The following BAZ2B variants were observed in gnomAD, a reference collection of about 807,000 sequenced individuals.
BAZ2B encodes bromodomain adjacent to zinc finger domain 2B.
BAZ2B carries 91 observed loss-of-function variants against 246.0 expected under a neutral mutation model. The ratio of observed to expected loss-of-function variants is 0.37; its 90% CI spans 0.31 to 0.44. The LOEUF (loss-of-function observed/expected upper bound fraction) is 0.44, where lower values mean the gene tolerates loss of function less well. Ranked by LOEUF, BAZ2B falls within the 20% of genes least tolerant of loss-of-function variation. The pLI, the probability that BAZ2B is intolerant of heterozygous loss-of-function variation, is 1.00. For synonymous variants in BAZ2B, 855 were observed against 860.0 expected (o/e 0.99, Z 0.10); for missense variants, 2,332 against 2,533.7 (o/e 0.92, Z 1.71).
At chr2:159,528,453 C>A (rs576854783) in intron 2 of BAZ2B, among the ~76,000 whole-genome samples, 15 of 152,208 alleles carry the variant, frequency 9.9e-5, no homozygotes, top group African/African-American at 3.4e-4. Context: ...GAGGCCAAGG[C>A]GGTTGGATCA....
At chr2:159,462,588 G>T (rs2076542173) in intron 3 of BAZ2B, 1 of 872,596 alleles carries the variant, frequency 1.1e-6, no homozygotes, top group Non-Finnish European at 2.0e-6. Context: ...TTGGCAGTTT[G>T]TGCGTCATTC....
the BAZ2B span, among the ~76,000 whole-genome samples, chr2:159,683,633 G>A: frequency 5.6e-3 from 856 of 152,224 alleles, 8 homozygotes; most frequent in African/African-American, 0.02. Context: ...AATTGTATGA[G>A]GCTAAAATCA....
chr2:159,421,849 T>C (rs555895873), intron 13 of BAZ2B, among the ~76,000 whole-genome samples: 1 of 152,232 alleles, frequency 6.6e-6, no homozygotes, highest in Admixed American at 6.5e-5. Flanking sequence ...CCCTAAAGAC[T>C]TTCACAAAAG....
chr2:159,605,834 A>C (rs1693358477), intron 1 of BAZ2B, among the ~76,000 whole-genome samples: 1 of 152,240 alleles, frequency 6.6e-6, no homozygotes, highest in Non-Finnish European at 1.5e-5. Flanking sequence ...CACACAGTAC[A>C]AAAACATTTT....
At chr2:159,411,074 C>G (rs184662997) in intron 14 of BAZ2B, among the ~76,000 whole-genome samples, 1 of 152,108 alleles carries the variant, frequency 6.6e-6, no homozygotes, top group Admixed American at 6.5e-5. Flanking sequence ...CAGGCTGAAG[C>G]GCAGTGGCAT....
chr2:159,424,979 G>A (rs905119901), intron 13 of BAZ2B, among the ~76,000 whole-genome samples: 14 of 152,066 alleles, frequency 9.2e-5, no homozygotes, highest in Non-Finnish European at 1.9e-4. Flanking sequence ...GATATGGAGG[G>A]CTGACTGTAC....
chr2:159,685,347 T>C, the BAZ2B span, among the ~76,000 whole-genome samples: 1 of 152,176 alleles, frequency 6.6e-6, no homozygotes, highest in Non-Finnish European at 1.5e-5. Flanking sequence ...TTAACTAAGG[T>C]AGAACACTTA....
intron 1 of BAZ2B, among the ~76,000 whole-genome samples, chr2:159,572,901 A>G (rs1459216709): frequency 6.6e-6 from 1 of 152,180 alleles, no homozygotes; most frequent in Non-Finnish European, 1.5e-5. Context: ...CCTAAGCAAC[A>G]TGAGAATGAG....
intron 1 of BAZ2B, among the ~76,000 whole-genome samples, chr2:159,565,614 A>G (rs2090317100): frequency 6.6e-6 from 1 of 152,030 alleles, no homozygotes; most frequent in Non-Finnish European, 1.5e-5. Flanking sequence ...CTGTCTTTAC[A>G]AAAAATACAA....
At chr2:159,702,897 G>A in the BAZ2B span, among the ~76,000 whole-genome samples, 6 of 151,766 alleles carry the variant, frequency 4.0e-5, no homozygotes, top group African/African-American at 1.4e-4. Flanking sequence ...AAAATTAGCT[G>A]GGCGTGGTGG....
At chr2:159,502,574 C>A (rs1044309829) in intron 2 of BAZ2B, among the ~76,000 whole-genome samples, 2 of 152,020 alleles carry the variant, frequency 1.3e-5, no homozygotes, top group Non-Finnish European at 2.9e-5. Context: ...ACTGAGGCTG[C>A]AGTTAGCTGT....
intron 1 of BAZ2B, among the ~76,000 whole-genome samples, chr2:159,588,477 T>C (rs750831289): frequency 2.6e-5 from 4 of 151,780 alleles, no homozygotes; most frequent in African/African-American, 7.3e-5. Flanking sequence ...TGGGCTATGA[T>C]TGGTCACTGC....
At chr2:159,325,578 T>C in intron 35 of BAZ2B, 75 bp downstream of exon 35, 1 of 1,447,138 alleles carries the variant, frequency 6.9e-7, no homozygotes, top group South Asian at 1.4e-5. Context: ...AAGAAAGCTT[T>C]AATATGGTAA....
chr2:159,559,772 A>C (rs1282778560), intron 1 of BAZ2B, among the ~76,000 whole-genome samples: 1 of 152,356 alleles, frequency 6.6e-6, no homozygotes, highest in East Asian at 1.9e-4. Context: ...TTTTACAAGC[A>C]AAAGGTAATT....
At chr2:159,673,778 T>C in the BAZ2B span, among the ~76,000 whole-genome samples, 47,608 of 152,046 alleles carry the variant, frequency 0.31, 9,408 homozygotes, top group Admixed American at 0.48. Flanking sequence ...AGAGTAGCTA[T>C]ATTTTCTGAA....
At chr2:159,322,382 C>A (rs1336729111) in intron 36 of BAZ2B, among the ~76,000 whole-genome samples, 1 of 152,192 alleles carries the variant, frequency 6.6e-6, no homozygotes, top group Non-Finnish European at 1.5e-5. Flanking sequence ...TGAAAGGAAA[C>A]ATCATACTCA....
chr2:159,588,299 C>T (rs952998369), intron 1 of BAZ2B, among the ~76,000 whole-genome samples: 1 of 151,274 alleles, frequency 6.6e-6, no homozygotes, highest in African/African-American at 2.4e-5. Flanking sequence ...TTTAAATGAG[C>T]CTTCATTTTC....
intron 2 of BAZ2B, among the ~76,000 whole-genome samples, chr2:159,500,094 T>C (rs1451422210): frequency 1.3e-5 from 2 of 152,230 alleles, no homozygotes; most frequent in Non-Finnish European, 2.9e-5. Context: ...TCTTTGCCCA[T>C]GCCTATGTCC....
At chr2:159,584,814 C>G (rs1454689967) in intron 1 of BAZ2B, among the ~76,000 whole-genome samples, 1 of 152,100 alleles carries the variant, frequency 6.6e-6, no homozygotes, top group Non-Finnish European at 1.5e-5. Context: ...TCATGAATGG[C>G]TTAGAACCAT....
Sources: allele counts gnomAD v4.1 joint callset (sites outside exome capture counted in the v4.1 genomes callset), GRCh38; gene constraint gnomAD v4.1.1; transcripts MANE v1.5; gene names NCBI Gene and HGNC (gene_info 2026-07-23, HGNC 2026-07-21).